Variants in SRRM4 observed in about 807,000 individuals in gnomAD.
SRRM4 encodes serine/arginine repetitive matrix protein 4.
In SRRM4, 33 loss-of-function variants were observed where a neutral mutation model predicts 68.9. That is an observed-to-expected ratio of 0.48 (90% confidence interval 0.36 to 0.64). The LOEUF is 0.64. Ranked by LOEUF, SRRM4 falls within the 30% of genes least tolerant of loss-of-function variation. SRRM4 has a pLI of 0.00. For missense variants in SRRM4, 817 were observed against 827.1 expected, an observed-to-expected ratio of 0.99 and a Z score of 0.15; for synonymous variants, 318 against 318.8, an observed-to-expected ratio of 1.00 and a Z score of 0.03.
rs1953248108 is a variant in SRRM4, at chr12:118,981,729, T to G, written c.-154T>G. ...TCTGCTGCCTGCCCGGGCTGGGGCG[T>G]CCCATCCCCCGCCCTGAACTCCGAT... On this transcript the variant is annotated 5_prime_UTR_variant, in exon 1 of 13. Transcript: ENST00000267260. The G allele has an allele frequency of 9.0e-6, 7 of 781,088 alleles. No individual in the cohort carries two copies. Among genetic ancestry groups the G allele is most frequent in the Non-Finnish European group, 1.4e-5 (7 of 504,020 alleles). The allele number at this position is 781,088 out of a possible 1,614,324, so 48.4% of individuals were successfully genotyped here. A position where few individuals can be genotyped will look rare whatever the true frequency, so the allele number is the denominator to read the frequency against.
At position 119,150,997 on chromosome 12, in the gene SRRM4, G is replaced by A; in HGVS notation, c.1077-20G>A. ...AGAGTAGTGGGCAGTCGGTGCTCAT[G>A]GACATTTTCCCACCTGCAGGGGATT... is the stretch of plus-strand genomic sequence containing the variant. On this transcript the variant is annotated intron_variant, in intron 9 of 12. Transcript: ENST00000267260. 1.2e-6 allele frequency: 2 copies of A among 1,612,434 alleles called. No individual in the cohort carries two copies. Among genetic ancestry groups the A allele is most frequent in the Non-Finnish European group, 1.7e-6 (2 of 1,178,938 alleles).
At chr12:119,038,462 C>T (rs1396686568) in intron 1 of SRRM4, among the ~76,000 whole-genome samples, 4 of 152,264 alleles carry the variant, frequency 2.6e-5, no homozygotes, top group Admixed American at 6.5e-5. Flanking sequence ...CCACCCACCT[C>T]GGCCTCCCAA....
intron 1 of SRRM4, among the ~76,000 whole-genome samples, chr12:119,027,601 T>C (rs1024012765): frequency 6.6e-6 from 1 of 152,214 alleles, no homozygotes; most frequent in African/African-American, 2.4e-5. Flanking sequence ...GAAGAGTTTA[T>C]GTTATAACTG....
At chr12:119,074,861 A>G (rs945837961) in intron 1 of SRRM4, among the ~76,000 whole-genome samples, 1 of 152,210 alleles carries the variant, frequency 6.6e-6, no homozygotes, top group African/African-American at 2.4e-5. Flanking sequence ...CACACTAACT[A>G]CAAGGCAAGT....
intron 1 of SRRM4, among the ~76,000 whole-genome samples, chr12:119,024,771 G>T (rs912873246): frequency 6.6e-6 from 1 of 152,046 alleles, no homozygotes; most frequent in African/African-American, 2.4e-5. Context: ...ATCCCTTTAC[G>T]TCCAACCCAG....
At chr12:119,103,119 T>C (rs1465419251) in intron 2 of SRRM4, among the ~76,000 whole-genome samples, 1 of 152,212 alleles carries the variant, frequency 6.6e-6, no homozygotes, top group Non-Finnish European at 1.5e-5. Flanking sequence ...CCTCCTGTTT[T>C]CAGCATATGC....
chr12:119,022,831 A>G (rs1184657944), intron 1 of SRRM4, among the ~76,000 whole-genome samples: 1 of 152,192 alleles, frequency 6.6e-6, no homozygotes, highest in Non-Finnish European at 1.5e-5. Context: ...CCAGAGGCAG[A>G]GTTGGTTAAT....
chr12:119,101,233 C>T (rs1954076200), intron 1 of SRRM4, among the ~76,000 whole-genome samples: 1 of 152,102 alleles, frequency 6.6e-6, no homozygotes, highest in South Asian at 2.1e-4. Flanking sequence ...ACCAAATACG[C>T]CTGTGACTCT....
intron 1 of SRRM4, among the ~76,000 whole-genome samples, chr12:119,099,049 A>G (rs1279141345): frequency 6.6e-6 from 1 of 152,096 alleles, no homozygotes; most frequent in Non-Finnish European, 1.5e-5. Context: ...TCAGCTACAG[A>G]GAGCCCCAAA....
At chr12:118,982,817 G>C (rs1263132422) in intron 1 of SRRM4, among the ~76,000 whole-genome samples, 1 of 151,970 alleles carries the variant, frequency 6.6e-6, no homozygotes, top group East Asian at 1.9e-4. Flanking sequence ...AACAGGAGGT[G>C]GGGTGAGAGG....
At chr12:119,048,493 C>T (rs923977144) in intron 1 of SRRM4, among the ~76,000 whole-genome samples, 5 of 152,148 alleles carry the variant, frequency 3.3e-5, no homozygotes, top group Non-Finnish European at 7.3e-5. Flanking sequence ...TTCCAAGTCC[C>T]TCCTAGTGTT....
chr12:118,995,991 T>C (rs1953347157), intron 1 of SRRM4, among the ~76,000 whole-genome samples: 1 of 152,194 alleles, frequency 6.6e-6, no homozygotes, highest in South Asian at 2.1e-4. Flanking sequence ...TTTTCTTTTT[T>C]CTTTTCCCAT....
At chr12:118,985,665 AT>A (rs1272731532) in intron 1 of SRRM4, among the ~76,000 whole-genome samples, 3 of 152,142 alleles carry the variant, frequency 2.0e-5, no homozygotes. Context: ...CCTCCCTTTT[AT>A]CCCCATCCAA....
chr12:119,012,359 G>T (rs1444451787), intron 1 of SRRM4, among the ~76,000 whole-genome samples: 1 of 152,222 alleles, frequency 6.6e-6, no homozygotes. Context: ...CATCAAGGTT[G>T]CCATGATATA....
At chr12:119,124,374 G>A (rs934450228) in intron 6 of SRRM4, 2 of 152,208 alleles carry the variant, frequency 1.3e-5, no homozygotes, top group African/African-American at 2.4e-5. Context: ...CAGGATCAGA[G>A]TTTGAACTTG....
At chr12:119,057,505 T>C (rs1329713237) in intron 1 of SRRM4, among the ~76,000 whole-genome samples, 4 of 152,352 alleles carry the variant, frequency 2.6e-5, no homozygotes, top group African/African-American at 9.6e-5. Context: ...TCCAACCGTG[T>C]CCCTGCAAAG....
intron 9 of SRRM4, among the ~76,000 whole-genome samples, chr12:119,148,278 C>T (rs556276251): frequency 6.6e-6 from 1 of 152,292 alleles, no homozygotes; most frequent in African/African-American, 2.4e-5. Flanking sequence ...CATCCACATG[C>T]AGAACTGCCT....
intron 8 of SRRM4, among the ~76,000 whole-genome samples, chr12:119,144,755 T>C (rs1385257941): frequency 6.6e-6 from 1 of 152,180 alleles, no homozygotes; most frequent in East Asian, 1.9e-4. Flanking sequence ...ACTGCTAAAA[T>C]GTCAGTTTGC....
chr12:119,158,766 C>T lies in SRRM4; in HGVS notation c.*1968C>T, dbSNP rs910644861. The T allele has an allele frequency of 2.6e-5, 4 of 152,706 alleles. No individual in the cohort carries two copies. The highest frequency in any genetic ancestry group is 5.9e-5 in the Non-Finnish European group (4 of 68,092). The allele number at this position is 152,706 out of a possible 1,614,324, so 9.5% of individuals were successfully genotyped here. A position where few individuals can be genotyped will look rare whatever the true frequency, so the allele number is the denominator to read the frequency against. On this transcript the variant is annotated 3_prime_UTR_variant, in exon 13 of 13. Transcript: ENST00000267260. ...AAAGGCTTCCCAGAGCCACCAAAAA[C>T]CTTCTTAGCAGGACAGCTGTGAGAG...
Sources: gnomAD v4.1 joint callset for allele counts (sites outside exome capture counted in the v4.1 genomes callset) on GRCh38, gnomAD v4.1.1 for gene constraint, MANE v1.5 for transcripts, NCBI Gene and HGNC (gene_info 2026-07-23, HGNC 2026-07-21) for gene names.